The following IRAK2 variants were observed in gnomAD, a reference collection of about 807,000 sequenced individuals.
The protein encoded by IRAK2 is interleukin-1 receptor-associated kinase-like 2.
A neutral mutation model predicts 72.0 loss-of-function variants in IRAK2; 57 were observed. That is an observed-to-expected ratio of 0.79 (90% CI 0.64 to 0.99). The LOEUF is 0.99. IRAK2 is among the 50% of genes least tolerant of loss of function. The pLI, the probability that IRAK2 is intolerant of heterozygous loss-of-function variation, is 0.00. For missense variants in IRAK2, 790 were observed against 794.4 expected (o/e 0.99, Z 0.07); for synonymous variants, 293 against 312.7 (o/e 0.94, Z 0.67).
At chr3:10,229,152 G>C (rs1466496319) in intron 10 of IRAK2, among the ~76,000 whole-genome samples, 1 of 152,096 alleles carries the variant, frequency 6.6e-6, no homozygotes, top group Non-Finnish European at 1.5e-5. Context: ...GGCCAGGCTG[G>C]TCTTGAACTC....
At chr3:10,211,121 C>A (rs1697511876) in intron 4 of IRAK2, among the ~76,000 whole-genome samples, 1 of 151,908 alleles carries the variant, frequency 6.6e-6, no homozygotes, top group African/African-American at 2.4e-5. Flanking sequence ...CCTCAGCATC[C>A]CAAAGTGCTG....
At chr3:10,227,818 A>G (rs746791300) in intron 10 of IRAK2, among the ~76,000 whole-genome samples, 2 of 151,862 alleles carry the variant, frequency 1.3e-5, no homozygotes, top group Non-Finnish European at 2.9e-5. Context: ...ACAGGCGCCC[A>G]CCACCACACC....
chr3:10,186,822 C>G (rs1697082125), intron 2 of IRAK2, among the ~76,000 whole-genome samples: 1 of 137,704 alleles, frequency 7.3e-6, no homozygotes. Flanking sequence ...GACAGAATCT[C>G]GCTTTGTTGC....
chr3:10,201,200 G>A (rs1470613729), intron 3 of IRAK2, among the ~76,000 whole-genome samples: 1 of 152,188 alleles, frequency 6.6e-6, no homozygotes, highest in Non-Finnish European at 1.5e-5. Flanking sequence ...CTATGAATTA[G>A]GTATTGTGAT....
At chr3:10,202,199 G>A (rs528353543) in intron 3 of IRAK2, among the ~76,000 whole-genome samples, 1 of 152,274 alleles carries the variant, frequency 6.6e-6, no homozygotes, top group East Asian at 1.9e-4. Context: ...AAAGATAAGG[G>A]GAAATGGTCC....
chr3:10,165,430 G>GT (rs1559435718), intron 1 of IRAK2, among the ~76,000 whole-genome samples: 3 of 145,396 alleles, frequency 2.1e-5, no homozygotes, highest in African/African-American at 7.7e-5. Flanking sequence ...ACTTCTTGGG[G>GT]GGGTGTGTGT....
chr3:10,199,627 T>C (rs916046971), intron 2 of IRAK2, among the ~76,000 whole-genome samples: 5 of 152,164 alleles, frequency 3.3e-5, no homozygotes, highest in African/African-American at 1.2e-4. Context: ...GATGGTGTCT[T>C]TGACCCGCTC....
intron 1 of IRAK2, among the ~76,000 whole-genome samples, chr3:10,174,188 A>G (rs912935896): frequency 6.6e-6 from 1 of 152,184 alleles, no homozygotes; most frequent in African/African-American, 2.4e-5. Context: ...CCCAGCTGAC[A>G]TCACTTCCCA....
chr3:10,178,991 C>T (rs1389917900), intron 2 of IRAK2, among the ~76,000 whole-genome samples: 1 of 152,052 alleles, frequency 6.6e-6, no homozygotes, highest in African/African-American at 2.4e-5. Flanking sequence ...TTGTAGAGAT[C>T]CAGGCTGGTC....
At position 10,222,653 on chromosome 3, in the gene IRAK2, ACCAAAATCTCACCC is replaced by A. The variant is rs1231742034; in HGVS notation, c.1037_1050del (p.Asn346ThrfsTer67). ...TTCCACAGCTCTAATGTCTTGCTGGACCAAAATCTCACCCCCAAACTTGCTCACCCAATGGCTCA... is the reference window on the plus strand; with the variant it reads ...TTCCACAGCTCTAATGTCTTGCTGGACCAAACTTGCTCACCCAATGGCTCA... On this transcript the variant is annotated frameshift_variant, in exon 9 of 13. Coordinates refer to ENST00000256458, the MANE Select transcript of IRAK2 (RefSeq NM_001570.4). LOFTEE classifies it high-confidence loss of function. 6.2e-7 allele frequency: 1 copy of A among 1,614,030 alleles called. No homozygotes were observed. The highest frequency in any genetic ancestry group is 1.1e-5 in the South Asian group (1 of 91,078).
At chr3:10,237,966 T>A (rs1269902131) in intron 11 of IRAK2, among the ~76,000 whole-genome samples, 1 of 150,746 alleles carries the variant, frequency 6.6e-6, no homozygotes, top group Non-Finnish European at 1.5e-5. Flanking sequence ...TGTGTGTGTG[T>A]GAAGAAGAAA....
At chr3:10,234,708 A>C (rs1697924542) in intron 11 of IRAK2, 49 bp downstream of exon 11, 2 of 1,531,106 alleles carry the variant, frequency 1.3e-6, no homozygotes, top group Non-Finnish European at 1.8e-6. Flanking sequence ...GCGTGGGTCC[A>C]CCTCATCGGG....
chr3:10,204,760 C>T (rs1288020724), intron 3 of IRAK2, among the ~76,000 whole-genome samples: 2 of 151,954 alleles, frequency 1.3e-5, no homozygotes, highest in African/African-American at 4.8e-5. Context: ...AAAACAAAAA[C>T]AAACAAAACA....
In IRAK2 at chr3:10,238,836, C is replaced by T; in HGVS notation, c.1562C>T (p.Ser521Phe). The change falls in exon 12 of 13, where the codon TCT becomes TTT. Residue 521 changes from serine (S) to phenylalanine (F), a missense_variant. Coordinates refer to ENST00000256458, the MANE Select transcript of IRAK2 (RefSeq NM_001570.4). ...AGTGGGCTTTCTGAGGGTACAGGCTCTTCTTCCAACACCCCAGAGGAAACA... is the reference window on the plus strand; with the variant it reads ...AGTGGGCTTTCTGAGGGTACAGGCTTTTCTTCCAACACCCCAGAGGAAACA... ...PWSGLSEGTGSSSNTPEETDD... is the reference protein window; with the variant it reads ...PWSGLSEGTGFSSNTPEETDD... The T allele has an allele frequency of 4.3e-6, 7 of 1,614,052 alleles. No individual in the cohort carries two copies. Among genetic ancestry groups the T allele is most frequent in the Non-Finnish European group, 5.9e-6 (7 of 1,180,002 alleles).
Position 10,184,216 on chromosome 3 carries a change from G to A in IRAK2, c.277+6196G>A, listed in dbSNP as rs533181279. ...AAGCTATTGGCCAAACCTGGTCACA[G>A]AACCACACCTGCTTGCAAGGGAGGC... On this transcript the variant is annotated intron_variant, in intron 2 of 12. Coordinates refer to ENST00000256458, the MANE Select transcript of IRAK2 (RefSeq NM_001570.4). Among the ~76,000 whole-genome samples, 3 of 152,272 alleles carry A rather than the reference G, an allele frequency of 2.0e-5. No homozygotes were observed. In the South Asian group the frequency reaches 6.2e-4, roughly 32 times the overall value.
At chr3:10,173,569 C>T (rs1288683340) in intron 1 of IRAK2, among the ~76,000 whole-genome samples, 1 of 152,164 alleles carries the variant, frequency 6.6e-6, no homozygotes, top group Non-Finnish European at 1.5e-5. Flanking sequence ...TGCCTGTGAT[C>T]CCAGCTCTTT....
chr3:10,183,346 G>A (rs538515127), intron 2 of IRAK2, among the ~76,000 whole-genome samples: 1 of 152,318 alleles, frequency 6.6e-6, no homozygotes, highest in South Asian at 2.1e-4. Context: ...GGCTCTGTGG[G>A]TCTCTGTTCC....
chr3:10,217,489 A>AGAGTATGG (rs1182584092), intron 7 of IRAK2, among the ~76,000 whole-genome samples: 2 of 152,172 alleles, frequency 1.3e-5, no homozygotes, highest in Non-Finnish European at 2.9e-5. Flanking sequence ...TAAGAGGTAA[A>AGAGTATGG]GAGTATGGAA....
chr3:10,180,327 C>G (rs947710427), intron 2 of IRAK2, among the ~76,000 whole-genome samples: 11 of 152,152 alleles, frequency 7.2e-5, no homozygotes, highest in Non-Finnish European at 1.5e-5. Flanking sequence ...ACAGGTCCTC[C>G]GCCCTCATGA....
Sources: gnomAD v4.1 joint callset for allele counts (sites outside exome capture counted in the v4.1 genomes callset) on GRCh38, gnomAD v4.1.1 for gene constraint, MANE v1.5 for transcripts, NCBI Gene and HGNC (gene_info 2026-07-23, HGNC 2026-07-21) for gene names.